The following DYNC1I1 variants were observed in gnomAD, a reference collection of about 807,000 sequenced individuals.
The protein encoded by DYNC1I1 is dynein cytoplasmic 1 intermediate chain 1, also known as cytoplasmic dynein 1 intermediate chain 1.
In DYNC1I1, 43 loss-of-function variants were observed where a neutral mutation model predicts 86.6. The ratio of observed to expected loss-of-function variants is 0.50; its 90% CI spans 0.39 to 0.64. DYNC1I1 has a LOEUF of 0.64. Ranked by LOEUF, DYNC1I1 falls within the 30% of genes least tolerant of loss-of-function variation. DYNC1I1 has a pLI of 0.00. For synonymous variants in DYNC1I1, 262 were observed against 283.7 expected (o/e 0.92, Z 0.77); for missense variants, 604 against 788.8 (o/e 0.77, Z 2.81).
intron 1 of DYNC1I1, among the ~76,000 whole-genome samples, chr7:95,778,119 C>T (rs1018824958): frequency 6.6e-6 from 1 of 152,154 alleles, no homozygotes; most frequent in African/African-American, 2.4e-5. Flanking sequence ...CAGTTAAGCA[C>T]CACAGTAAAA....
intron 14 of DYNC1I1, among the ~76,000 whole-genome samples, chr7:96,047,261 A>G (rs1428370496): frequency 6.6e-6 from 1 of 152,190 alleles, no homozygotes; most frequent in African/African-American, 2.4e-5. Flanking sequence ...AAGTTTCAAC[A>G]TATGAATTTT....
chr7:95,970,877 A>C lies in DYNC1I1; in HGVS notation c.491-6635A>C, dbSNP rs1348273421. Among the ~76,000 whole-genome samples, 4 of 152,140 alleles carry C rather than the reference A, an allele frequency of 2.6e-5. No individual in the cohort carries two copies. In the East Asian group the frequency reaches 7.7e-4, roughly 29 times the overall value. ...GGCAGAATAATGGAGGGGATTCACA[A>C]ATCTGTTTCAGAGGAAGAGTTAAAG... is the stretch of plus-strand genomic sequence containing the variant. On this transcript the variant is annotated intron_variant, in intron 6 of 16. Coordinates refer to ENST00000447467, the MANE Select transcript of DYNC1I1 (RefSeq NM_001135556.2).
chr7:95,987,872 C>T (rs1793635722), intron 9 of DYNC1I1, among the ~76,000 whole-genome samples: 1 of 152,170 alleles, frequency 6.6e-6, no homozygotes, highest in South Asian at 2.1e-4. Context: ...CCACAATATA[C>T]CCAAAAGCCT....
Position 95,778,589 on chromosome 7 carries a change from T to C in DYNC1I1, c.-10+5816T>C, listed in dbSNP as rs887564862. On this transcript the variant is annotated intron_variant, in intron 1 of 16. Transcript: ENST00000447467. ...ACTGGGAATAGCTGTCTTTTATCTT[T>C]CTTCTATTTAATGATTTTCAGTACA... 2.6e-5 allele frequency among the ~76,000 whole-genome samples: 4 copies of C among 152,292 alleles called. No homozygotes were observed. In the South Asian group the frequency reaches 8.3e-4, roughly 32 times the overall value.
chr7:95,794,334 C>T (rs972499922), intron 1 of DYNC1I1, among the ~76,000 whole-genome samples: 4 of 152,166 alleles, frequency 2.6e-5, no homozygotes, highest in African/African-American at 9.6e-5. Flanking sequence ...TTGAGATTCT[C>T]ATTTCCTAAG....
intron 9 of DYNC1I1, among the ~76,000 whole-genome samples, chr7:95,987,735 C>A (rs1305679543): frequency 2.0e-5 from 3 of 152,174 alleles, no homozygotes; most frequent in African/African-American, 7.2e-5. Flanking sequence ...TGCTGAATTT[C>A]ACTTTGTACA....
chr7:95,941,696 G>T (rs1212693107), intron 6 of DYNC1I1, among the ~76,000 whole-genome samples: 1 of 152,204 alleles, frequency 6.6e-6, no homozygotes. Flanking sequence ...TTTTCCAGGT[G>T]CCATCTGTCA....
At chr7:95,809,259 A>G (rs1236356756) in intron 2 of DYNC1I1, among the ~76,000 whole-genome samples, 1 of 152,172 alleles carries the variant, frequency 6.6e-6, no homozygotes, top group African/African-American at 2.4e-5. Flanking sequence ...GAGTAAGTCA[A>G]AAGTTGCATA....
chr7:96,053,217 C>CATAATAATA (rs1789459617), intron 14 of DYNC1I1, among the ~76,000 whole-genome samples: 1 of 152,158 alleles, frequency 6.6e-6, no homozygotes, highest in African/African-American at 2.4e-5. Context: ...TTACAATAGT[C>CATAATAATA]ATAATAATAA....
At chr7:95,968,307 G>A (rs1793070288) in intron 6 of DYNC1I1, among the ~76,000 whole-genome samples, 1 of 152,080 alleles carries the variant, frequency 6.6e-6, no homozygotes, top group African/African-American at 2.4e-5. Context: ...TAGAGAACAT[G>A]TACTAATATT....
chr7:95,911,860 G>A (rs932514632), intron 6 of DYNC1I1, among the ~76,000 whole-genome samples: 4 of 152,122 alleles, frequency 2.6e-5, no homozygotes, highest in Admixed American at 1.3e-4. Context: ...AGAAAAATGT[G>A]TATAGCTAGT....
At position 95,869,916 on chromosome 7, in the gene DYNC1I1, C is replaced by T. The variant is rs1289166596; in HGVS notation, c.408C>T (p.Val136=). The change falls in exon 6 of 17, where the codon GTC becomes GTT. Residue 136 remains valine (V), a synonymous_variant. Coordinates refer to ENST00000447467, the MANE Select transcript of DYNC1I1 (RefSeq NM_001135556.2). The part of the protein sequence containing the change: ...RRLHKLGVSK[V]TQVDFLPREV... ...TGCATAAACTGGGCGTGTCAAAGGT[C>T]ACCCAAGTGGATTTCCTGCCAAGGG... 7 of 1,614,000 alleles carry T rather than the reference C, an allele frequency of 4.3e-6. No individual in the cohort carries two copies. In the Admixed American group the frequency reaches 1.0e-4, roughly 23 times the overall value.
intron 14 of DYNC1I1, among the ~76,000 whole-genome samples, chr7:96,066,477 G>A (rs1467415636): frequency 3.9e-5 from 6 of 152,220 alleles, no homozygotes; most frequent in Non-Finnish European, 7.3e-5. Flanking sequence ...GTGATTTGCA[G>A]ACATGGTAAA....
intron 5 of DYNC1I1, among the ~76,000 whole-genome samples, chr7:95,857,046 G>A (rs748604491): frequency 2.5e-4 from 38 of 152,234 alleles, no homozygotes; most frequent in African/African-American, 9.1e-4. Context: ...GACATTTGTA[G>A]CTTCTTCATC....
At chr7:95,796,571 CAT>C (rs1375225591) in intron 1 of DYNC1I1, among the ~76,000 whole-genome samples, 2 of 152,030 alleles carry the variant, frequency 1.3e-5, no homozygotes, top group Non-Finnish European at 2.9e-5. Flanking sequence ...ATTTTTAAAT[CAT>C]AGTTTGTGGA....
intron 5 of DYNC1I1, among the ~76,000 whole-genome samples, chr7:95,866,936 A>G (rs1001487998): frequency 4.6e-5 from 7 of 152,244 alleles, no homozygotes; most frequent in African/African-American, 1.7e-4. Flanking sequence ...ACATAGCATC[A>G]GTGAAAAACT....
intron 15 of DYNC1I1, among the ~76,000 whole-genome samples, chr7:96,078,864 T>A (rs1383243613): frequency 2.0e-5 from 3 of 152,172 alleles, no homozygotes; most frequent in African/African-American, 7.2e-5. Context: ...ACAGTCATAA[T>A]AAAGTGTATT....
rs192516406 is a variant in DYNC1I1, at chr7:95,849,843, T to C, written c.375-20040T>C. Reference sequence around the variant, plus strand: ...ATTTTGACAATATTAATTCTTCCAATCCATAAGCATGGAATATCTATCAAT... The same window carrying C: ...ATTTTGACAATATTAATTCTTCCAACCCATAAGCATGGAATATCTATCAAT... On this transcript the variant is annotated intron_variant, in intron 5 of 16. Transcript: ENST00000447467. Among the ~76,000 whole-genome samples, 277 of 152,312 alleles carry C rather than the reference T, an allele frequency of 1.8e-3. 2 individuals carry two copies. The highest frequency in any genetic ancestry group is 2.1e-3 in the Non-Finnish European group (142 of 68,004).
downstream of DYNC1I1, among the ~76,000 whole-genome samples, chr7:96,103,407 C>T (rs980682313): frequency 2.6e-4 from 40 of 152,298 alleles, no homozygotes; most frequent in African/African-American, 9.1e-4. Context: ...CTAACCCAAG[C>T]CATCATCATC....
Sources: allele counts gnomAD v4.1 joint callset (sites outside exome capture counted in the v4.1 genomes callset), GRCh38; gene constraint gnomAD v4.1.1; transcripts MANE v1.5; gene names NCBI Gene and HGNC (gene_info 2026-07-23, HGNC 2026-07-21).